Variants in VWF observed in about 807,000 individuals in gnomAD.
VWF encodes Factor VIII related antigen.
VWF carries 176 observed loss-of-function variants against 308.6 expected under a neutral mutation model. The observed-to-expected ratio is 0.57, with a 90% CI of 0.50 to 0.65. The LOEUF is 0.65. Ranked by LOEUF, VWF falls within the 30% of genes least tolerant of loss-of-function variation. VWF has a pLI of 0.00. For missense variants in VWF, 3,146 were observed against 3,648.2 expected (o/e 0.86, Z 3.55); for synonymous variants, 1,385 against 1,443.4 (o/e 0.96, Z 0.92).
intron 35 of VWF, among the ~76,000 whole-genome samples, chr12:5,995,193 C>A (rs1480234054): frequency 6.6e-6 from 1 of 152,176 alleles, no homozygotes; most frequent in African/African-American, 2.4e-5. Flanking sequence ...CACTTTAAGT[C>A]TTCTTTGTGT....
At chr12:5,967,409 G>T in intron 47 of VWF, 77 bp downstream of exon 47, 1 of 1,084,846 alleles carries the variant, frequency 9.2e-7, no homozygotes, top group Non-Finnish European at 1.4e-6. Flanking sequence ...TTTATTTAAA[G>T]ACCGCAGTGA....
At chr12:6,048,711 C>A (rs1226131269) in intron 16 of VWF, among the ~76,000 whole-genome samples, 1 of 152,190 alleles carries the variant, frequency 6.6e-6, no homozygotes, top group Non-Finnish European at 1.5e-5. Flanking sequence ...GATCCGCCCA[C>A]CTCGGCCTCC....
At position 5,990,514 on chromosome 12, in the gene VWF, T is replaced by G. The variant is rs116682782; in HGVS notation, c.6798+1305A>C. Among the ~76,000 whole-genome samples the G allele has an allele frequency of 5.7e-3, 871 of 152,262 alleles. 12 individuals carry two copies. Among genetic ancestry groups the G allele is most frequent in the African/African-American group, 0.02 (837 of 41,562 alleles). On this transcript the variant is annotated intron_variant, in intron 38 of 51. Transcript: ENST00000261405. ...TTACCATGAGTTCTCCTATTCGTGG[T>G]TGAACATAGTGGTAAGTCACTCTAC...
In VWF at chr12:5,949,057, A is replaced by G; in HGVS notation, c.8400T>C (p.Asn2800=). 6.2e-7 allele frequency: 1 copy of G among 1,614,124 alleles called. No individual in the cohort carries two copies. The highest frequency in any genetic ancestry group is 1.1e-5 in the South Asian group (1 of 91,058). ...NGSVVYHEVL[N]AMECKCSPRK... is the part of the protein sequence containing the mutation. ...TGGGGGAGCATTTGCACTCCATGGC[A>G]TTGAGAACCTCATGGTACACAACAG... Residue 2800 remains asparagine (N), a synonymous_variant, in exon 52 of 52, where the codon AAT becomes AAC. Coordinates refer to ENST00000261405, the MANE Select transcript of VWF (RefSeq NM_000552.5).
At chr12:5,968,101 C>A (rs1379153254) in intron 46 of VWF, 26 bp downstream of exon 46, 1 of 1,613,902 alleles carries the variant, frequency 6.2e-7, no homozygotes, top group East Asian at 2.2e-5. Context: ...CCACCACTTG[C>A]TCTGGAGAAG....
At chr12:6,010,395 G>T (rs1369775724) in intron 34 of VWF, among the ~76,000 whole-genome samples, 4 of 152,170 alleles carry the variant, frequency 2.6e-5, no homozygotes, top group African/African-American at 9.7e-5. Flanking sequence ...AAACCAAACT[G>T]ATGGACATTC....
At chr12:6,041,303 G>A (rs1041770973) in intron 18 of VWF, among the ~76,000 whole-genome samples, 13 of 151,550 alleles carry the variant, frequency 8.6e-5, no homozygotes, top group South Asian at 2.1e-4. Context: ...GGTCGTGTGC[G>A]CCTGTAATCC....
intron 5 of VWF, among the ~76,000 whole-genome samples, chr12:6,097,386 G>A (rs969154427): frequency 5.9e-5 from 9 of 152,250 alleles, no homozygotes; most frequent in Middle Eastern, 3.4e-3. Flanking sequence ...ACAGTGAGCC[G>A]AGAATGCACC....
chr12:5,995,711 T>G (rs1202159518), intron 35 of VWF, among the ~76,000 whole-genome samples: 1 of 152,178 alleles, frequency 6.6e-6, no homozygotes, highest in Non-Finnish European at 1.5e-5. Context: ...TGAACAATCC[T>G]GATGCCAATC....
Position 6,075,174 on chromosome 12 carries a change from T to C in VWF, c.874+161A>G, listed in dbSNP as rs1944827874. Among the ~76,000 whole-genome samples, 1 of 151,952 alleles carries C rather than the reference T, an allele frequency of 6.6e-6. No homozygotes were observed. The highest frequency in any genetic ancestry group is 1.5e-5 in the Non-Finnish European group (1 of 67,970). The stretch of plus-strand genomic sequence containing the variant: ...CCCGTTTGACAGAGGGCAGGAGCCA[T>C]TCAGGAAATGGGTCCGGGACACGTG... On this transcript the variant is annotated intron_variant, in intron 7 of 51. Coordinates refer to ENST00000261405, the MANE Select transcript of VWF (RefSeq NM_000552.5). This position sits in a 1 kb window ranked among gnomAD's most constrained non-coding sequence, Gnocchi z 4.7.
At position 6,019,025 on chromosome 12, in the gene VWF, G is replaced by C; in HGVS notation, c.4393C>G (p.Pro1465Ala). 1 of 1,613,902 alleles carries C rather than the reference G, an allele frequency of 6.2e-7. No homozygotes were observed. The highest frequency in any genetic ancestry group is 1.1e-5 in the South Asian group (1 of 91,058). The change falls in exon 28 of 52, where the codon CCT becomes GCT. Residue 1465 changes from proline to alanine, a missense_variant. By Grantham distance (27) the Pro-to-Ala change is conservative (BLOSUM62 -1). Coordinates refer to ENST00000261405, the MANE Select transcript of VWF (RefSeq NM_000552.5). This position sits in a 1 kb window ranked among gnomAD's most constrained non-coding sequence, Gnocchi z 5.8. The stretch of plus-strand genomic sequence containing the variant: ...ATGTCGGGGGGCAGAGTAGGAGGAG[G>C]GGCTTCAGGGGCAAGGTCACAGAGG... The part of the protein sequence containing the change: ...SYLCDLAPEA[P>A]PPTLPPDMAQ...
chr12:6,064,731 C>T (rs1359681913), intron 11 of VWF, among the ~76,000 whole-genome samples: 1 of 152,218 alleles, frequency 6.6e-6, no homozygotes, highest in Admixed American at 6.5e-5. Context: ...TCGTCCTCAT[C>T]TTTGCTTCCA....
At chr12:5,999,382 T>C (rs115040294) in intron 34 of VWF, among the ~76,000 whole-genome samples, 1,922 of 150,788 alleles carry the variant, frequency 0.013, 42 homozygotes, top group African/African-American at 0.042. Flanking sequence ...ACTGGAGACA[T>C]AAAAATAAAG....
intron 6 of VWF, among the ~76,000 whole-genome samples, chr12:6,094,655 T>G (rs1382530054): frequency 1.3e-5 from 2 of 152,130 alleles, no homozygotes; most frequent in Admixed American, 6.5e-5. Context: ...GGCTCTGCCT[T>G]CGTGAATGGA....
intron 6 of VWF, among the ~76,000 whole-genome samples, chr12:6,076,105 G>C (rs1407041593): frequency 2.0e-5 from 3 of 152,050 alleles, no homozygotes; most frequent in African/African-American, 7.3e-5. Flanking sequence ...GGTGATTGCT[G>C]GGGCCAGACG....
intron 42 of VWF, among the ~76,000 whole-genome samples, chr12:5,977,879 A>C (rs895862147): frequency 2.7e-5 from 4 of 148,230 alleles, no homozygotes; most frequent in African/African-American, 9.8e-5. Context: ...CTCTCTCTAT[A>C]TATATATATT....
chr12:6,091,677 G>A (rs1945036234), intron 6 of VWF, among the ~76,000 whole-genome samples: 1 of 152,120 alleles, frequency 6.6e-6, no homozygotes, highest in South Asian at 2.1e-4. Flanking sequence ...CTGAGCAGCT[G>A]GGTCTACAGG....
intron 20 of VWF, among the ~76,000 whole-genome samples, chr12:6,031,937 T>C (rs1426426151): frequency 6.6e-6 from 1 of 151,736 alleles, no homozygotes; most frequent in Non-Finnish European, 1.5e-5. Flanking sequence ...TTGCCTAGAG[T>C]CCCACCCAGG....
chr12:6,031,526 C>T lies in VWF; in HGVS notation c.2738G>A (p.Gly913Glu), dbSNP rs1311544944. 1.2e-6 allele frequency: 2 copies of T among 1,614,122 alleles called. No individual in the cohort carries two copies. The highest frequency in any genetic ancestry group is 1.3e-5 in the African/African-American group (1 of 75,010). The change falls in exon 21 of 52, where the codon GGA (glycine) becomes GAA (glutamate). Residue 913 changes from glycine (G) to glutamate (E), a missense_variant. By Grantham distance (98) the Gly-to-Glu change is moderately conservative. Coordinates refer to ENST00000261405, the MANE Select transcript of VWF (RefSeq NM_000552.5). ...GTFRILVGNKGCSHPSVKCKK... is the reference protein window; with the variant it reads ...GTFRILVGNKECSHPSVKCKK... ...GCATTTCACTGAGGGGTGGCTGCAT[C>T]CCTTATTCCCCACTAGGATCCGAAA...
Sources: gnomAD v4.1 joint callset for allele counts (sites outside exome capture counted in the v4.1 genomes callset) on GRCh38, gnomAD v4.1.1 for gene constraint, Gnocchi (gnomAD v3.1) non-coding constraint, MANE v1.5 for transcripts, NCBI Gene and HGNC (gene_info 2026-07-23, HGNC 2026-07-21) for gene names.